Variants in BOC observed in about 807,000 individuals in gnomAD.
BOC encodes the protein brother of CDO.
A neutral mutation model predicts 112.0 loss-of-function variants in BOC; 76 were observed. The ratio of observed to expected loss-of-function variants is 0.68; its 90% CI spans 0.56 to 0.82. BOC has a LOEUF of 0.82. Ranked by LOEUF, BOC falls within the 40% of genes least tolerant of loss-of-function variation. The pLI is 0.00. For synonymous variants in BOC, 580 were observed against 599.8 expected (o/e 0.97, Z 0.48); for missense variants, 1,309 against 1,511.7 (o/e 0.87, Z 2.22).
rs746836556 is a variant in BOC at position 113,286,909 on chromosome 3, A to ATTTT, written c.*47_*48insTTTT. 5 of 1,429,520 alleles carry ATTTT rather than the reference A, an allele frequency of 3.5e-6. No homozygotes were observed. In the African/African-American group the frequency reaches 4.6e-5, roughly 13 times the overall value. The allele number at this position is 1,429,520 out of a possible 1,614,324, so 88.6% of individuals were successfully genotyped here. On this transcript the variant is annotated 3_prime_UTR_variant, in exon 20 of 20. Coordinates refer to ENST00000682979, the MANE Select transcript of BOC (RefSeq NM_001378074.1). ...AGACTATATATTGTTTTTTTTTTAAAAAAAAAAAGAAGAAAAAAGAGACAG... is the reference window on the plus strand; with the variant it reads ...AGACTATATATTGTTTTTTTTTTAAATTTTAAAAAAAAGAAGAAAAAAGAGACAG...
intron 4 of BOC, among the ~76,000 whole-genome samples, chr3:113,258,791 A>C (rs1405229636): frequency 6.6e-6 from 1 of 152,214 alleles, no homozygotes; most frequent in Non-Finnish European, 1.5e-5. Context: ...AGCCAGCTTG[A>C]AATTTAGTTG....
At chr3:113,254,801 T>C in intron 4 of BOC, among the ~76,000 whole-genome samples, 1 of 152,192 alleles carries the variant, frequency 6.6e-6, no homozygotes, top group Non-Finnish European at 1.5e-5. Flanking sequence ...CTATAGGTCA[T>C]GGGGCTTAGG....
chr3:113,243,452 T>C (rs577571884), intron 2 of BOC, among the ~76,000 whole-genome samples: 1 of 152,374 alleles, frequency 6.6e-6, no homozygotes, highest in South Asian at 2.1e-4. Flanking sequence ...AAGACAATCA[T>C]GGTTAAGGAG....
In BOC at chr3:113,272,590, A is replaced by G. The variant is rs769885168; in HGVS notation, c.848A>G (p.Asn283Ser). 73 of 1,613,376 alleles carry G rather than the reference A, an allele frequency of 4.5e-5. No homozygotes were observed. The highest frequency in any genetic ancestry group is 6.0e-5 in the Non-Finnish European group (71 of 1,179,926). ...GYNKTRFLLS[N>S]LLIDTTSEED... Reference sequence around the variant, plus strand: ...AACAAGACGCGCTTCCTGCTGAGCAACCTCCTCATCGACACCACCAGCGAG... The same window carrying G: ...AACAAGACGCGCTTCCTGCTGAGCAGCCTCCTCATCGACACCACCAGCGAG... The change falls in exon 7 of 20, where the codon AAC becomes AGC. Residue 283 changes from asparagine (N) to serine (S), a missense_variant. Transcript: ENST00000682979.
chr3:113,279,142 G>C, intron 11 of BOC, 107 bp from the exon 12 acceptor site: 2 of 1,189,026 alleles, frequency 1.7e-6, no homozygotes, highest in Admixed American at 2.0e-5. Flanking sequence ...GAGCGGGCCC[G>C]TCAGGAGCAG....
chr3:113,270,033 C>T (rs1947939884), intron 5 of BOC: 1 of 152,290 alleles, frequency 6.6e-6, no homozygotes, highest in Admixed American at 6.5e-5. Context: ...CCGTGAGGCA[C>T]CATCCCAGGG....
At chr3:113,258,820 G>A (rs1946507815) in intron 4 of BOC, among the ~76,000 whole-genome samples, 1 of 152,220 alleles carries the variant, frequency 6.6e-6, no homozygotes, top group Non-Finnish European at 1.5e-5. Context: ...CATAAGTTAT[G>A]TGTATTTTAC....
intron 4 of BOC, among the ~76,000 whole-genome samples, chr3:113,260,674 G>GAACAT (rs1285088804): frequency 8.6e-6 from 1 of 115,672 alleles, no homozygotes; most frequent in African/African-American, 3.7e-5. Flanking sequence ...GAATAGAACA[G>GAACAT]AACAGAACAG....
At chr3:113,219,251 G>C (rs923558847) in intron 2 of BOC, among the ~76,000 whole-genome samples, 1 of 152,192 alleles carries the variant, frequency 6.6e-6, no homozygotes, top group East Asian at 1.9e-4. Context: ...ATTAACGGTG[G>C]ACCTGGAGGG....
chr3:113,281,348 C>G (rs930886979), intron 15 of BOC, among the ~76,000 whole-genome samples, 195 bp downstream of exon 15: 2 of 152,212 alleles, frequency 1.3e-5, no homozygotes, highest in Non-Finnish European at 2.9e-5. Context: ...CATGATGACA[C>G]CTTCAAGGAA....
At chr3:113,280,485 A>ATACACCAGTGGTTTTGCT in intron 13 of BOC, 73 bp from the exon 14 acceptor site, 1 of 1,072,366 alleles carries the variant, frequency 9.3e-7, no homozygotes, top group Non-Finnish European at 1.5e-6. Flanking sequence ...TAGAACCTTC[A>ATACACCAGTGGTTTTGCT]TACACCAGTG....
chr3:113,282,639 C>T (rs1197172504), intron 15 of BOC, among the ~76,000 whole-genome samples: 1 of 151,950 alleles, frequency 6.6e-6, no homozygotes, highest in Non-Finnish European at 1.5e-5. Flanking sequence ...GTTTGCGGCT[C>T]TTTAGGATAT....
At chr3:113,281,242 C>A in intron 15 of BOC, 89 bp downstream of exon 15, 1 of 1,475,558 alleles carries the variant, frequency 6.8e-7, no homozygotes, top group Non-Finnish European at 9.2e-7. Context: ...CGGTGCTGGG[C>A]CTCTTTCCCA....
intron 2 of BOC, among the ~76,000 whole-genome samples, chr3:113,236,950 A>G (rs1206314366): frequency 1.3e-5 from 2 of 152,212 alleles, no homozygotes; most frequent in African/African-American, 4.8e-5. Context: ...TTATTTTCAC[A>G]AAGTATAAAC....
chr3:113,279,548 C>A, intron 12 of BOC, 93 bp downstream of exon 12: 6 of 1,259,490 alleles, frequency 4.8e-6, no homozygotes, highest in African/African-American at 1.5e-5. Context: ...CCCCTTCTCT[C>A]GGCCCAGGCC....
chr3:113,242,819 A>G (rs2649877), intron 2 of BOC, among the ~76,000 whole-genome samples: 149,976 of 152,182 alleles, frequency 0.99, 73,941 homozygotes, highest in Middle Eastern at 1. Context: ...TCGTTCTTTT[A>G]CGTAAGTCTC....
At chr3:113,215,909 A>G (rs1388599038) in intron 1 of BOC, among the ~76,000 whole-genome samples, 6 of 152,192 alleles carry the variant, frequency 3.9e-5, no homozygotes, top group Non-Finnish European at 8.8e-5. Context: ...GAAATAGTTG[A>G]TGACTATTGA....
rs767454918 is a variant in BOC at position 113,279,436 on chromosome 3, G to C, written c.2004G>C (p.Glu668Asp). ...SAIPPSRLSVEITGLEKGTSY... is the reference protein window; with the variant it reads ...SAIPPSRLSVDITGLEKGTSY... ...TCCCCCCATCGCGGCTGTCCGTGGA[G>C]ATCACGGGCCTAGAGAAAGGTAGGG... Residue 668 changes from glutamate (E) to aspartate (D), a missense_variant, in exon 12 of 20, where the codon GAG (glutamate) becomes GAC (aspartate). Coordinates refer to ENST00000682979, the MANE Select transcript of BOC (RefSeq NM_001378074.1). 1.1e-5 allele frequency: 18 copies of C among 1,613,950 alleles called. No homozygotes were observed. The highest frequency in any genetic ancestry group is 1.4e-5 in the Non-Finnish European group (17 of 1,180,004).
chr3:113,273,548 T>C (rs900605959), intron 8 of BOC, among the ~76,000 whole-genome samples: 23 of 152,210 alleles, frequency 1.5e-4, no homozygotes, highest in African/African-American at 5.5e-4. Flanking sequence ...TAAAAAAATA[T>C]TTCTGTGGAA....
Sources: gnomAD v4.1 joint callset for allele counts (sites outside exome capture counted in the v4.1 genomes callset) on GRCh38, gnomAD v4.1.1 for gene constraint, MANE v1.5 for transcripts, NCBI Gene and HGNC (gene_info 2026-07-23, HGNC 2026-07-21) for gene names.